Variants in ADGRB3 observed in about 807,000 individuals in gnomAD.
ADGRB3 encodes the protein adhesion G protein-coupled receptor B3.
A neutral mutation model predicts 193.4 loss-of-function variants in ADGRB3; 37 were observed. That is an observed-to-expected ratio of 0.19 (90% CI 0.15 to 0.25). The LOEUF (loss-of-function observed/expected upper bound fraction) is 0.25. Among genes scored for constraint, ADGRB3 ranks in the 10% least tolerant of loss-of-function variants. ADGRB3 has a pLI of 1.00. For missense variants in ADGRB3, 1,637 were observed against 1,852.9 expected, an observed-to-expected ratio of 0.88 and a Z score of 2.14; for synonymous variants, 690 against 644.2, an observed-to-expected ratio of 1.07 and a Z score of -1.08.
At chr6:69,072,485 A>G (rs1240695711) in intron 16 of ADGRB3, among the ~76,000 whole-genome samples, 1 of 152,206 alleles carries the variant, frequency 6.6e-6, no homozygotes, top group African/African-American at 2.4e-5. Context: ...CAGGGTGATA[A>G]AAAGGAAAGA....
At chr6:68,776,311 G>C (rs1231439468) in intron 3 of ADGRB3, among the ~76,000 whole-genome samples, 1 of 152,076 alleles carries the variant, frequency 6.6e-6, no homozygotes, top group Non-Finnish European at 1.5e-5. Flanking sequence ...ATTTAATTCA[G>C]ACATAGACGT....
At chr6:69,260,733 A>T (rs370521412) in intron 20 of ADGRB3, among the ~76,000 whole-genome samples, 1 of 152,128 alleles carries the variant, frequency 6.6e-6, no homozygotes, top group Non-Finnish European at 1.5e-5. Context: ...CTTAGGGAGA[A>T]TCCTAGAATT....
chr6:69,357,544 A>G (rs1769361628), intron 28 of ADGRB3, among the ~76,000 whole-genome samples: 1 of 151,928 alleles, frequency 6.6e-6, no homozygotes, highest in African/African-American at 2.4e-5. Context: ...TATATTCAGT[A>G]AGGCACCCCC....
chr6:68,747,884 C>T (rs1462316122), intron 3 of ADGRB3, among the ~76,000 whole-genome samples: 1 of 152,078 alleles, frequency 6.6e-6, no homozygotes, highest in Non-Finnish European at 1.5e-5. Context: ...TTTAATTGGA[C>T]TTACAGTTCC....
chr6:68,689,160 C>A (rs550278173), intron 3 of ADGRB3, among the ~76,000 whole-genome samples: 1 of 152,274 alleles, frequency 6.6e-6, no homozygotes, highest in Non-Finnish European at 1.5e-5. Flanking sequence ...TTGTCAGCTA[C>A]CCAATGCCTG....
intron 3 of ADGRB3, among the ~76,000 whole-genome samples, chr6:68,744,809 C>CA (rs1257061798): frequency 3.9e-5 from 6 of 152,034 alleles, no homozygotes; most frequent in Non-Finnish European, 5.9e-5. Flanking sequence ...ATGAGTGCAG[C>CA]AAACCACCAT....
intron 17 of ADGRB3, among the ~76,000 whole-genome samples, chr6:69,114,159 T>G (rs891896847): frequency 2.6e-5 from 4 of 152,178 alleles, no homozygotes; most frequent in Non-Finnish European, 5.9e-5. Flanking sequence ...TCCTTCACAT[T>G]TAAGCCTTTC....
At chr6:69,081,955 T>C (rs1329169867) in intron 17 of ADGRB3, among the ~76,000 whole-genome samples, 1 of 152,116 alleles carries the variant, frequency 6.6e-6, no homozygotes, top group Non-Finnish European at 1.5e-5. Flanking sequence ...GTATTTTTCA[T>C]TGTAATTCTC....
At chr6:68,988,516 T>A (rs1487636472) in intron 10 of ADGRB3, among the ~76,000 whole-genome samples, 1 of 152,144 alleles carries the variant, frequency 6.6e-6, no homozygotes, top group Non-Finnish European at 1.5e-5. Flanking sequence ...CTGACCATTA[T>A]AGATCATAAT....
At chr6:68,741,926 GTTGT>G (rs922016208) in intron 3 of ADGRB3, among the ~76,000 whole-genome samples, 11 of 152,258 alleles carry the variant, frequency 7.2e-5, no homozygotes, top group Admixed American at 1.3e-4. Context: ...GAGTTCACAT[GTTGT>G]TTAAGTAGGA....
intron 3 of ADGRB3, among the ~76,000 whole-genome samples, chr6:68,757,859 A>T (rs890450548): frequency 2.6e-5 from 4 of 152,094 alleles, no homozygotes; most frequent in Admixed American, 1.3e-4. Flanking sequence ...ATTCTCTAGC[A>T]TTACCATTGA....
chr6:68,693,351 G>T (rs1582127970), intron 3 of ADGRB3, among the ~76,000 whole-genome samples: 1 of 151,992 alleles, frequency 6.6e-6, no homozygotes, highest in East Asian at 1.9e-4. Context: ...GTAGCTACTA[G>T]TGTACACTCC....
At chr6:68,986,041 T>C (rs1475043199) in intron 10 of ADGRB3, among the ~76,000 whole-genome samples, 1 of 152,152 alleles carries the variant, frequency 6.6e-6, no homozygotes, top group African/African-American at 2.4e-5. Context: ...TGTCCTTTGC[T>C]CAGGATTGCA....
chr6:69,349,123 G>C (rs1369363876), intron 26 of ADGRB3, among the ~76,000 whole-genome samples: 2 of 152,216 alleles, frequency 1.3e-5, no homozygotes, highest in Non-Finnish European at 1.5e-5. Context: ...CTGCCACAAA[G>C]GGGATGGCAT....
rs147154720 is a variant in ADGRB3, at chr6:68,970,989, G to A, written c.1526-3774G>A. On this transcript the variant is annotated intron_variant, in intron 8 of 31. Coordinates refer to ENST00000370598, the MANE Select transcript of ADGRB3 (RefSeq NM_001704.3). ...AGCAGCATTGTGGAGAATAATACTG[G>A]GAATTGAAGTGTGAGCAGCTTCACC... 3.9e-3 allele frequency among the ~76,000 whole-genome samples: 588 copies of A among 152,236 alleles called. 3 individuals are homozygous for A. The highest frequency in any genetic ancestry group is 0.024 in the Middle Eastern group (7 of 294).
chr6:68,982,222 C>A (rs980414383), intron 10 of ADGRB3, among the ~76,000 whole-genome samples: 16 of 152,012 alleles, frequency 1.1e-4, no homozygotes, highest in Non-Finnish European at 2.2e-4. Context: ...TATCTCCTGG[C>A]CACTTTTCAT....
chr6:69,007,813 A>G (rs1013790134), intron 11 of ADGRB3, among the ~76,000 whole-genome samples: 1 of 152,040 alleles, frequency 6.6e-6, no homozygotes, highest in Non-Finnish European at 1.5e-5. Flanking sequence ...ATAACAAAAT[A>G]CCTGAGACTG....
chr6:69,363,140 T>C (rs1341628132), intron 29 of ADGRB3, among the ~76,000 whole-genome samples: 2 of 151,972 alleles, frequency 1.3e-5, no homozygotes, highest in African/African-American at 4.8e-5. Flanking sequence ...AGAACTTCTT[T>C]CTTCAGTTTG....
rs181669525 is a variant in ADGRB3 at position 68,868,195 on chromosome 6, G to T, written c.758-62364G>T. ...ACATGGTAGGAAGTGACTGGATCAT[G>T]GGGGAGGTTTCCCCTATGCAGTTCT... On this transcript the variant is annotated intron_variant, in intron 3 of 31. Transcript: ENST00000370598. 6.3e-4 allele frequency among the ~76,000 whole-genome samples: 96 copies of T among 152,202 alleles called. 1 individual carries two copies. The highest frequency in any genetic ancestry group is 2.1e-3 in the African/African-American group (87 of 41,514).
Sources: allele counts gnomAD v4.1 joint callset (sites outside exome capture counted in the v4.1 genomes callset), GRCh38; gene constraint gnomAD v4.1.1; transcripts MANE v1.5; gene names NCBI Gene and HGNC (gene_info 2026-07-23, HGNC 2026-07-21).